TRAPPC9: variants seen among roughly 807,000 people sequenced by gnomAD.
TRAPPC9 encodes trafficking protein particle complex subunit 9, also known as IKK2 binding protein.
A neutral mutation model predicts 124.0 loss-of-function variants in TRAPPC9; 83 were observed. The ratio of observed to expected loss-of-function variants is 0.67; its 90% CI spans 0.56 to 0.80. TRAPPC9 has a LOEUF of 0.80. Ranked by LOEUF, TRAPPC9 falls within the 30% of genes least tolerant of loss-of-function variation. The probability of loss-of-function intolerance (pLI) is 0.00; values close to 1 mark genes in which losing one functional copy is unlikely to be tolerated. For synonymous variants in TRAPPC9, 638 were observed against 617.5 expected (o/e 1.03, Z -0.49); for missense variants, 1,302 against 1,508.3 (o/e 0.86, Z 2.27).
chr8:140,397,823 G>A, intron 6 of TRAPPC9, 78 bp from the exon 7 acceptor site: 1 of 1,582,258 alleles, frequency 6.3e-7, no homozygotes, highest in Non-Finnish European at 8.6e-7. Context: ...TGTGCTACTG[G>A]GACTCAATAA....
At chr8:140,298,417 C>T (rs1282720975) in intron 11 of TRAPPC9, among the ~76,000 whole-genome samples, 3 of 152,172 alleles carry the variant, frequency 2.0e-5, no homozygotes, top group African/African-American at 7.2e-5. Flanking sequence ...CTCTAGGAGG[C>T]CGAGGCAGGG....
chr8:140,395,321 T>G lies in TRAPPC9; in HGVS notation c.1134+2299A>C, dbSNP rs117389589. ...CACTTGCCACTTTGACTTATCGGCC[T>G]CCCTACCAACGTCTAATCTAGGAAA... is the stretch of plus-strand genomic sequence containing the variant. On this transcript the variant is annotated intron_variant, in intron 7 of 22. Coordinates refer to ENST00000438773, the MANE Select transcript of TRAPPC9 (RefSeq NM_001160372.4). Among the ~76,000 whole-genome samples the G allele has an allele frequency of 6.8e-4, 103 of 152,230 alleles. No individual in the cohort carries two copies. In the East Asian group the frequency reaches 0.017, roughly 25 times the overall value.
chr8:140,300,954 T>C (rs1167941493), intron 10 of TRAPPC9, among the ~76,000 whole-genome samples: 6 of 152,198 alleles, frequency 3.9e-5, no homozygotes, highest in Admixed American at 1.3e-4. Flanking sequence ...GCACGTGCCT[T>C]GCCATCTCTA....
At chr8:139,980,671 C>T (rs1204542413) in intron 19 of TRAPPC9, among the ~76,000 whole-genome samples, 2 of 152,234 alleles carry the variant, frequency 1.3e-5, no homozygotes, top group African/African-American at 4.8e-5. Context: ...ACTCGGCGCA[C>T]GGTGAGGCCC....
At chr8:140,169,182 A>G (rs1025264105) in intron 17 of TRAPPC9, among the ~76,000 whole-genome samples, 5 of 151,454 alleles carry the variant, frequency 3.3e-5, no homozygotes, top group Non-Finnish European at 1.5e-5. Context: ...CAGTGAACAT[A>G]GATAATATTT....
intron 20 of TRAPPC9, among the ~76,000 whole-genome samples, chr8:139,894,045 G>C (rs1830512599): frequency 1.3e-5 from 2 of 152,220 alleles, no homozygotes; most frequent in South Asian, 4.1e-4. Context: ...CAGCCACCCT[G>C]CAGCTGCCTC....
At chr8:140,138,434 G>T (rs956143577) in intron 17 of TRAPPC9, among the ~76,000 whole-genome samples, 2 of 151,792 alleles carry the variant, frequency 1.3e-5, no homozygotes, top group African/African-American at 4.8e-5. Flanking sequence ...GAAGGGGCTC[G>T]GGAGAGGTAA....
intron 21 of TRAPPC9, among the ~76,000 whole-genome samples, chr8:139,850,663 C>G (rs1827383486): frequency 6.6e-6 from 1 of 152,214 alleles, no homozygotes; most frequent in South Asian, 2.1e-4. Flanking sequence ...AGTCATTCAT[C>G]CATCCATCTA....
At chr8:140,055,760 T>C (rs1407979761) in intron 17 of TRAPPC9, among the ~76,000 whole-genome samples, 1 of 152,048 alleles carries the variant, frequency 6.6e-6, no homozygotes, top group Non-Finnish European at 1.5e-5. Flanking sequence ...TATAATAACA[T>C]AATAACATCA....
At chr8:140,297,189 C>A (rs547895336) in intron 11 of TRAPPC9, among the ~76,000 whole-genome samples, 2 of 152,348 alleles carry the variant, frequency 1.3e-5, no homozygotes, top group East Asian at 3.9e-4. Context: ...GTCTACCCAG[C>A]GCCTACACTT....
At chr8:140,442,525 G>GA (rs1176167789) in intron 2 of TRAPPC9, among the ~76,000 whole-genome samples, 28 of 151,514 alleles carry the variant, frequency 1.8e-4, no homozygotes, top group African/African-American at 6.8e-4. Flanking sequence ...GTGAACCTGG[G>GA]AGGCGGAGCT....
At chr8:140,213,661 C>G (rs1284828778) in intron 17 of TRAPPC9, among the ~76,000 whole-genome samples, 1 of 151,982 alleles carries the variant, frequency 6.6e-6, no homozygotes, top group African/African-American at 2.4e-5. Context: ...GAAGCTACAG[C>G]TATTACACCT....
At chr8:140,402,720 G>GA (rs759570457) in intron 6 of TRAPPC9, among the ~76,000 whole-genome samples, 52 of 151,014 alleles carry the variant, frequency 3.4e-4, no homozygotes, top group Non-Finnish European at 7.1e-4. Context: ...AAGAAAGAAA[G>GA]AAACACTCTT....
rs116144530 is a variant in TRAPPC9, at chr8:140,210,561, T to C, written c.2556+10898A>G. 2.7e-3 allele frequency among the ~76,000 whole-genome samples: 406 copies of C among 151,362 alleles called. 3 individuals carry two copies. The highest frequency in any genetic ancestry group is 9.3e-3 in the African/African-American group (383 of 41,190). On this transcript the variant is annotated intron_variant, in intron 17 of 22. Transcript: ENST00000438773. ...CCCCCACGCCCCCGCTAGCTTCATC[T>C]CCCTCCCTTGCCTAAGCCCTTTCTC... is the stretch of plus-strand genomic sequence containing the variant.
chr8:140,361,246 T>C (rs2067945098), intron 8 of TRAPPC9, among the ~76,000 whole-genome samples: 1 of 152,274 alleles, frequency 6.6e-6, no homozygotes, highest in Non-Finnish European at 1.5e-5. Context: ...CACAATACTG[T>C]GCAGGGCAGG....
At chr8:139,843,364 C>A (rs953113174) in intron 21 of TRAPPC9, among the ~76,000 whole-genome samples, 1 of 152,188 alleles carries the variant, frequency 6.6e-6, no homozygotes, top group Non-Finnish European at 1.5e-5. Context: ...CAGGTGCCTG[C>A]AGAACCACAA....
intron 21 of TRAPPC9, among the ~76,000 whole-genome samples, chr8:139,838,464 C>A (rs1826502946): frequency 6.6e-6 from 1 of 152,212 alleles, no homozygotes; most frequent in South Asian, 2.1e-4. Flanking sequence ...GGGGTGGCAC[C>A]AGGACTGAGC....
At chr8:139,867,502 T>C (rs1167929996) in intron 21 of TRAPPC9, among the ~76,000 whole-genome samples, 2 of 152,150 alleles carry the variant, frequency 1.3e-5, no homozygotes, top group Admixed American at 6.5e-5. Flanking sequence ...GCAAGATACT[T>C]AGTAACAACA....
intron 19 of TRAPPC9, among the ~76,000 whole-genome samples, chr8:139,973,607 T>C (rs1161548570): frequency 6.6e-6 from 1 of 152,166 alleles, no homozygotes; most frequent in East Asian, 1.9e-4. Flanking sequence ...TTCTATGAAA[T>C]TGGAAAACGA....
Sources: gnomAD v4.1 joint callset for allele counts (sites outside exome capture counted in the v4.1 genomes callset) on GRCh38, gnomAD v4.1.1 for gene constraint, MANE v1.5 for transcripts, NCBI Gene and HGNC (gene_info 2026-07-23, HGNC 2026-07-21) for gene names.